The following CFAP20DC variants were observed in gnomAD, a reference collection of about 807,000 sequenced individuals.
CFAP20DC encodes the protein CFAP20 domain containing, also known as protein CFAP20DC.
Under a neutral mutation model 101.7 loss-of-function variants are expected in CFAP20DC, and 84 were observed. That is an observed-to-expected ratio of 0.83 (90% CI 0.69 to 0.99). CFAP20DC has a LOEUF of 0.99. CFAP20DC is among the 50% of genes least tolerant of loss of function. The pLI is 0.00. For missense variants in CFAP20DC, 1,007 were observed against 970.3 expected (o/e 1.04, Z -0.50); for synonymous variants, 359 against 351.2 (o/e 1.02, Z -0.25).
At chr3:58,958,991 A>G (rs1345693551) in intron 4 of CFAP20DC, among the ~76,000 whole-genome samples, 5 of 152,142 alleles carry the variant, frequency 3.3e-5, no homozygotes, top group East Asian at 1.9e-4. Context: ...TCTTATACTA[A>G]TCATATTTTA....
intron 4 of CFAP20DC, among the ~76,000 whole-genome samples, chr3:58,947,298 T>C (rs112910293): frequency 6.6e-6 from 1 of 152,164 alleles, no homozygotes; most frequent in African/African-American, 2.4e-5. Context: ...AATGCACCAG[T>C]GGTATTAGGG....
chr3:58,782,776 A>C (rs2071961054), intron 15 of CFAP20DC, among the ~76,000 whole-genome samples: 1 of 152,114 alleles, frequency 6.6e-6, no homozygotes, highest in Non-Finnish European at 1.5e-5. Context: ...ATATAAACAA[A>C]TGGAAAGACA....
rs754648111 is a variant in CFAP20DC at position 58,869,315 on chromosome 3, G to A, written c.1015+13C>T. 6.3e-7 allele frequency: 1 copy of A among 1,598,936 alleles called. No individual in the cohort carries two copies. Among genetic ancestry groups the A allele is most frequent in the Admixed American group, 1.7e-5 (1 of 58,776 alleles). ...TCACTAGCTATCAATCTTTATGCAT[G>A]ATTATTTCTTACCATGAATAGGTAC... On this transcript the variant is annotated intron_variant, in intron 9 of 16. Coordinates refer to ENST00000482387, the MANE Select transcript of CFAP20DC (RefSeq NM_001394063.1). The surrounding 1 kb of genome is among the most constrained non-coding windows in gnomAD (Gnocchi z 4.3).
At chr3:58,995,445 C>T (rs2093087053) in intron 4 of CFAP20DC, among the ~76,000 whole-genome samples, 1 of 149,870 alleles carries the variant, frequency 6.7e-6, no homozygotes, top group South Asian at 2.1e-4. Context: ...AAAATGTTTC[C>T]AAAAGTAGTC....
rs2084335161 is a variant in CFAP20DC, at chr3:58,913,284, T to G, written c.550+424A>C. On this transcript the variant is annotated intron_variant, in intron 6 of 16. Coordinates refer to ENST00000482387, the MANE Select transcript of CFAP20DC (RefSeq NM_001394063.1). This position sits in a 1 kb window ranked among gnomAD's most constrained non-coding sequence, Gnocchi z 4.4. ...TGGAGGTGGCAAATGGATGGGGTTG[T>G]CCTTAGATAAGTCTTGTGGGAGAGG... 6.6e-6 allele frequency among the ~76,000 whole-genome samples: 1 copy of G among 152,112 alleles called. No homozygotes were observed. The highest frequency in any genetic ancestry group is 2.1e-4 in the South Asian group (1 of 4,828).
intron 15 of CFAP20DC, among the ~76,000 whole-genome samples, chr3:58,797,917 T>C (rs1024898936): frequency 2.0e-5 from 3 of 152,162 alleles, no homozygotes; most frequent in Non-Finnish European, 2.9e-5. Context: ...CATCTGCTTA[T>C]AGCACAGTAT....
chr3:58,762,617 A>T (rs1013543851), intron 15 of CFAP20DC, among the ~76,000 whole-genome samples: 1 of 152,194 alleles, frequency 6.6e-6, no homozygotes, highest in East Asian at 1.9e-4. Context: ...TAGTTGATGC[A>T]GTTTCTTCCT....
chr3:58,985,261 C>A (rs927584865), intron 4 of CFAP20DC, among the ~76,000 whole-genome samples: 1 of 152,082 alleles, frequency 6.6e-6, no homozygotes, highest in Non-Finnish European at 1.5e-5. Flanking sequence ...TCTTCCTATT[C>A]TCTTTTTATA....
chr3:58,846,348 C>T (rs2077640701), intron 13 of CFAP20DC, among the ~76,000 whole-genome samples: 1 of 150,930 alleles, frequency 6.6e-6, no homozygotes, highest in Admixed American at 6.6e-5. Flanking sequence ...ACAAAAATCA[C>T]AAGCATTCTG....
chr3:58,808,901 C>T (rs1249700214), intron 14 of CFAP20DC, among the ~76,000 whole-genome samples: 1 of 152,076 alleles, frequency 6.6e-6, no homozygotes, highest in Non-Finnish European at 1.5e-5. Flanking sequence ...CAAAAAAAGG[C>T]AGGGGTTGCA....
At chr3:59,046,765 T>C (rs1333555258) in intron 2 of CFAP20DC, among the ~76,000 whole-genome samples, 1 of 152,150 alleles carries the variant, frequency 6.6e-6, no homozygotes, top group East Asian at 1.9e-4. Flanking sequence ...GACATTTTAA[T>C]GTCTCAGTAA....
At chr3:58,787,511 C>T (rs937395251) in intron 15 of CFAP20DC, among the ~76,000 whole-genome samples, 2 of 151,584 alleles carry the variant, frequency 1.3e-5, no homozygotes, top group Middle Eastern at 3.4e-3. Flanking sequence ...AATTAAAAAA[C>T]CAACAAACAA....
chr3:58,862,951 A>G (rs2079375618), intron 12 of CFAP20DC: 10 of 974,170 alleles, frequency 1.0e-5, no homozygotes, highest in Non-Finnish European at 1.2e-5. Context: ...ACATTTTAAA[A>G]CTTTTTACGA....
chr3:58,800,077 G>T (rs2073575268), intron 15 of CFAP20DC, among the ~76,000 whole-genome samples: 1 of 152,200 alleles, frequency 6.6e-6, no homozygotes, highest in Non-Finnish European at 1.5e-5. Flanking sequence ...CATCTGAGAG[G>T]TGGGCTTCCA....
intron 5 of CFAP20DC, among the ~76,000 whole-genome samples, chr3:58,923,377 C>A (rs1485016841): frequency 6.6e-6 from 1 of 152,014 alleles, no homozygotes; most frequent in Non-Finnish European, 1.5e-5. Flanking sequence ...TCAGTTTTGA[C>A]AACTTCCTTT....
chr3:58,959,127 T>A (rs2090907624), intron 4 of CFAP20DC, among the ~76,000 whole-genome samples: 1 of 152,190 alleles, frequency 6.6e-6, no homozygotes, highest in Admixed American at 6.5e-5. Flanking sequence ...GGAGTTTCAC[T>A]CTCGTTGCCC....
At chr3:58,807,083 A>G (rs1212929575) in intron 14 of CFAP20DC, among the ~76,000 whole-genome samples, 3 of 152,176 alleles carry the variant, frequency 2.0e-5, no homozygotes. Flanking sequence ...ACCTGGGTGG[A>G]GCCCACCACA....
At position 58,771,420 on chromosome 3, in the gene CFAP20DC, C is replaced by CA. The variant is rs1455538775; in HGVS notation, c.2238-17558dup. Among the ~76,000 whole-genome samples, 5 of 151,784 alleles carry CA rather than the reference C, an allele frequency of 3.3e-5. No homozygotes were observed. The East Asian group carries it at 9.7e-4, about 29-fold the overall frequency. On this transcript the variant is annotated intron_variant, in intron 15 of 16. Coordinates refer to ENST00000482387, the MANE Select transcript of CFAP20DC (RefSeq NM_001394063.1). The stretch of plus-strand genomic sequence containing the variant: ...ATAATAAAAAACAAAAAAAAACAAG[C>CA]AAAAAACAAAAACAAACAAAAAAGA...
At chr3:58,998,920 GC>G (rs1283132764) in intron 4 of CFAP20DC, among the ~76,000 whole-genome samples, 2 of 152,216 alleles carry the variant, frequency 1.3e-5, no homozygotes, top group Non-Finnish European at 2.9e-5. Context: ...AGAAATTAAG[GC>G]ACACAGAGGT....
Sources: allele counts gnomAD v4.1 joint callset (sites outside exome capture counted in the v4.1 genomes callset), GRCh38; gene constraint gnomAD v4.1.1; non-coding constraint Gnocchi (gnomAD v3.1); transcripts MANE v1.5; gene names NCBI Gene and HGNC (gene_info 2026-07-23, HGNC 2026-07-21).